Variants in DSCAM observed in about 807,000 individuals in gnomAD.
DSCAM encodes cell adhesion molecule DSCAM.
Under a neutral mutation model 217.7 loss-of-function variants are expected in DSCAM, and 47 were observed. That is an observed-to-expected ratio of 0.22 (90% CI 0.17 to 0.28). The LOEUF (loss-of-function observed/expected upper bound fraction) is 0.28, where lower values mean the gene tolerates loss of function less well. Among genes scored for constraint, DSCAM ranks in the 10% least tolerant of loss-of-function variants. The pLI is 1.00. For synonymous variants in DSCAM, 1,056 were observed against 1,015.3 expected, an observed-to-expected ratio of 1.04 and a Z score of -0.76; for missense variants, 2,080 against 2,618.3, an observed-to-expected ratio of 0.79 and a Z score of 4.49.
chr21:40,186,143 C>T (rs1170512761), intron 14 of DSCAM, among the ~76,000 whole-genome samples: 6 of 152,182 alleles, frequency 3.9e-5, no homozygotes, highest in African/African-American at 4.8e-5. Flanking sequence ...AGAGTCACCC[C>T]TCGGCTTGCC....
At chr21:40,664,528 AGG>A (rs2090178017) in intron 3 of DSCAM, among the ~76,000 whole-genome samples, 1 of 152,188 alleles carries the variant, frequency 6.6e-6, no homozygotes, top group African/African-American at 2.4e-5. Flanking sequence ...AGAAGCAACA[AGG>A]AAAGTCAGCT....
intron 3 of DSCAM, among the ~76,000 whole-genome samples, chr21:40,646,193 G>T (rs2089944297): frequency 6.6e-6 from 1 of 152,126 alleles, no homozygotes. Context: ...AAGGCAGGTG[G>T]ATCATGAGAT....
At chr21:40,221,740 G>T (rs979945016) in intron 11 of DSCAM, among the ~76,000 whole-genome samples, 32 of 152,300 alleles carry the variant, frequency 2.1e-4, no homozygotes, top group African/African-American at 7.0e-4. Flanking sequence ...GGCCGTTGTG[G>T]TCTTCACAAT....
At chr21:40,567,584 T>C (rs1978338424) in intron 3 of DSCAM, among the ~76,000 whole-genome samples, 1 of 152,220 alleles carries the variant, frequency 6.6e-6, no homozygotes, top group Admixed American at 6.5e-5. Context: ...TCTCTATAAT[T>C]ATCCATACGC....
intron 11 of DSCAM, among the ~76,000 whole-genome samples, chr21:40,275,329 C>G (rs1309154279): frequency 6.7e-6 from 1 of 149,978 alleles, no homozygotes; most frequent in African/African-American, 2.5e-5. Context: ...GCCTCTGCCT[C>G]AAAAAAAAAG....
chr21:40,596,309 T>TC (rs961762548), intron 3 of DSCAM, among the ~76,000 whole-genome samples: 51 of 152,298 alleles, frequency 3.3e-4, no homozygotes, highest in Admixed American at 1.4e-3. Flanking sequence ...TAAGAGTGCT[T>TC]CCCCTACATG....
intron 11 of DSCAM, among the ~76,000 whole-genome samples, chr21:40,273,079 T>C (rs1340198100): frequency 6.6e-6 from 1 of 152,170 alleles, no homozygotes; most frequent in Non-Finnish European, 1.5e-5. Context: ...TTTTAATTTT[T>C]TTTCAGAATA....
chr21:40,726,048 A>G (rs2090952885), intron 1 of DSCAM, among the ~76,000 whole-genome samples: 1 of 152,238 alleles, frequency 6.6e-6, no homozygotes, highest in Admixed American at 6.5e-5. Context: ...ACTGTGAACG[A>G]TAACAGAACA....
intron 3 of DSCAM, among the ~76,000 whole-genome samples, chr21:40,452,615 T>TA (rs556422833): frequency 7.7e-4 from 117 of 152,284 alleles, no homozygotes; most frequent in Non-Finnish European, 1.0e-3. Flanking sequence ...AAGCATACAA[T>TA]ACAGCACTCA....
intron 3 of DSCAM, among the ~76,000 whole-genome samples, chr21:40,442,225 T>C (rs1346007050): frequency 6.6e-6 from 1 of 152,138 alleles, no homozygotes; most frequent in African/African-American, 2.4e-5. Context: ...TTTAAGTTTA[T>C]ATATGTAAAA....
chr21:40,347,850 C>G lies in DSCAM; in HGVS notation c.1030G>C (p.Glu344Gln). Residue 344 changes from glutamate to glutamine, a missense_variant, in exon 6 of 33, where the codon GAA becomes CAA. This residue lies in a region of DSCAM where 568 missense variants were observed against 678.1 expected (regional missense o/e 0.84). Transcript: ENST00000400454. ...SCSVTGTEDQELSWYRNGEIL... is the reference protein window; with the variant it reads ...SCSVTGTEDQQLSWYRNGEIL... The stretch of plus-strand genomic sequence containing the variant: ...TCACCATTGCGGTACCAGGAGAGTT[C>G]CTGGTCCTCAGTTCCTGTCACGCTG... The G allele has an allele frequency of 6.2e-7, 1 of 1,614,112 alleles. No individual in the cohort carries two copies. The highest frequency in any genetic ancestry group is 8.5e-7 in the Non-Finnish European group (1 of 1,180,000).
intron 2 of DSCAM, among the ~76,000 whole-genome samples, chr21:40,699,495 C>G (rs1234543610): frequency 2.6e-5 from 4 of 152,150 alleles, no homozygotes. Flanking sequence ...AAAGCTAGGC[C>G]TTTTGTGCAT....
intron 19 of DSCAM, 94 bp downstream of exon 19, chr21:40,133,760 A>G: frequency 6.9e-7 from 1 of 1,447,184 alleles, no homozygotes; most frequent in Non-Finnish European, 9.2e-7. Flanking sequence ...TGCACTGAGA[A>G]TAGCCTGATG....
chr21:40,682,407 C>T (rs1250951485), intron 3 of DSCAM, among the ~76,000 whole-genome samples: 1 of 151,650 alleles, frequency 6.6e-6, no homozygotes, highest in Non-Finnish European at 1.5e-5. Flanking sequence ...AGAAGATCAA[C>T]CAGGCAGTGT....
At chr21:40,464,690 G>A (rs2145955295) in intron 3 of DSCAM, among the ~76,000 whole-genome samples, 1 of 151,342 alleles carries the variant, frequency 6.6e-6, no homozygotes, top group South Asian at 2.1e-4. Flanking sequence ...AGTGCACCTG[G>A]ATTCTCTGCA....
intron 3 of DSCAM, among the ~76,000 whole-genome samples, chr21:40,663,626 C>CT (rs1357550819): frequency 2.6e-5 from 4 of 152,174 alleles, no homozygotes; most frequent in African/African-American, 9.7e-5. Flanking sequence ...TGACATGACC[C>CT]TTCTCAGGGA....
intron 11 of DSCAM, among the ~76,000 whole-genome samples, chr21:40,267,447 A>C: frequency 6.6e-6 from 1 of 152,190 alleles, no homozygotes; most frequent in East Asian, 1.9e-4. Context: ...CAAACAAGTG[A>C]GTCATGCATT....
At chr21:40,052,786 T>C (rs1193240841) in intron 29 of DSCAM, among the ~76,000 whole-genome samples, 4 of 152,222 alleles carry the variant, frequency 2.6e-5, no homozygotes, top group East Asian at 3.9e-4. Flanking sequence ...CAAGTCCTAC[T>C]GCCGTGGGCA....
At chr21:40,451,545 T>C (rs960809834) in intron 3 of DSCAM, among the ~76,000 whole-genome samples, 2 of 152,162 alleles carry the variant, frequency 1.3e-5, no homozygotes, top group African/African-American at 4.8e-5. Context: ...ATATTAAGTC[T>C]GCACCAGGTA....
Sources: gnomAD v4.1 joint callset for allele counts (sites outside exome capture counted in the v4.1 genomes callset) on GRCh38, gnomAD v4.1.1 for gene constraint, gnomAD v4.1.1 regional missense constraint, MANE v1.5 for transcripts, NCBI Gene and HGNC (gene_info 2026-07-23, HGNC 2026-07-21) for gene names.